OR4A15: variants seen among roughly 807,000 people sequenced by gnomAD.
OR4A15 encodes the protein olfactory receptor family 4 subfamily A member 15.
For missense variants in OR4A15, 657 were observed against 374.7 expected, an observed-to-expected ratio of 1.75 and a Z score of -6.22; for synonymous variants, 240 against 135.6, an observed-to-expected ratio of 1.77 and a Z score of -5.35.
At chr11:55,368,348 T>C (rs1853881983) in exon 1 of OR4A15, 1 of 1,613,184 alleles carries the variant, frequency 6.2e-7, no homozygotes, top group African/African-American at 1.3e-5. Flanking sequence ...TGGCCATCTG[T>C]AAGCCTCTTC....
Position 55,368,665 on chromosome 11 carries a change from A to G in OR4A15, c.692A>G (p.Lys231Arg), listed in dbSNP as rs147539576. The G allele has an allele frequency of 9.9e-6, 16 of 1,613,596 alleles. No homozygotes were observed. The African/African-American group carries it at 2.1e-4, about 22-fold the overall frequency. ...CTTAAGACTCAGAGTTTGGAAGGGA[A>G]ACGAAAAGCTTTCTACACCTGTGCA... The change falls in exon 1 of 1, where the codon AAA becomes AGA. Residue 231 changes from lysine (K) to arginine (R), a missense_variant. Coordinates refer to ENST00000641526, the Ensembl canonical transcript of OR4A15.
chr11:55,368,308 T>G (rs1464873848), exon 1 of OR4A15: 1 of 1,613,864 alleles, frequency 6.2e-7, no homozygotes, highest in Admixed American at 1.7e-5. Flanking sequence ...GAAGTCATTC[T>G]TCTGGTGGTA....
exon 1 of OR4A15, chr11:55,368,374 T>A: frequency 6.2e-7 from 1 of 1,613,622 alleles, no homozygotes; most frequent in South Asian, 1.1e-5. Flanking sequence ...TTGATCACCA[T>A]GAATCGTCGA....
chr11:55,368,608 T>C (rs780386508), exon 1 of OR4A15: 2 of 1,613,740 alleles, frequency 1.2e-6, no homozygotes, highest in Non-Finnish European at 1.7e-6. Context: ...TTCTTCACTA[T>C]CCTGCTTTCC....
exon 1 of OR4A15, chr11:55,368,266 A>T: frequency 6.2e-7 from 1 of 1,613,914 alleles, no homozygotes; most frequent in Non-Finnish European, 8.5e-7. Context: ...TGTATGGCTC[A>T]ACTTTTTATG....
At chr11:55,368,501 G>A (rs533299103) in exon 1 of OR4A15, 11 of 1,611,938 alleles carry the variant, frequency 6.8e-6, no homozygotes, top group Non-Finnish European at 8.5e-6. Flanking sequence ...ACAACTTCCT[G>A]TGTGATTTGT....
At chr11:55,368,864 G>A (rs1303530512) in exon 1 of OR4A15, 1 of 1,610,760 alleles carries the variant, frequency 6.2e-7, no homozygotes, top group Non-Finnish European at 8.5e-7. Context: ...GTGCCATGAG[G>A]AAACTTTGGA....
At chr11:55,368,556 C>A (rs753902951) in exon 1 of OR4A15, 3 of 1,613,386 alleles carry the variant, frequency 1.9e-6, no homozygotes, top group East Asian at 2.2e-5. Flanking sequence ...TGTCACTGGG[C>A]TTTCTATGAT....
chr11:55,368,786 A>C, exon 1 of OR4A15: 1 of 1,613,636 alleles, frequency 6.2e-7, no homozygotes, highest in East Asian at 2.2e-5. Context: ...CCATGACTGT[A>C]GTTCTAACTT....
exon 1 of OR4A15, chr11:55,368,748 C>G (rs753622247): frequency 6.2e-7 from 1 of 1,613,596 alleles, no homozygotes; most frequent in Non-Finnish European, 8.5e-7. Context: ...GTATGCAAGG[C>G]CCAATTCTAC....
At chr11:55,368,417 T>C in exon 1 of OR4A15, 3 of 1,613,548 alleles carry the variant, frequency 1.9e-6, no homozygotes, top group East Asian at 2.2e-5. Context: ...CGGCCTGGAT[T>C]GGAGGCTTTC....
chr11:55,368,700 A>T, exon 1 of OR4A15: 1 of 1,613,686 alleles, frequency 6.2e-7, no homozygotes, highest in South Asian at 1.1e-5. Flanking sequence ...ATCCCACGTC[A>T]CTGTGGTCAT....
exon 1 of OR4A15, chr11:55,368,041 A>G (rs780210330): frequency 5.6e-6 from 9 of 1,613,468 alleles, no homozygotes; most frequent in Non-Finnish European, 7.6e-6. Flanking sequence ...GAGGGGCAAA[A>G]GGTTTTATTT....
In OR4A15 at chr11:55,368,382, C is replaced by T. The variant is rs539516996; in HGVS notation, c.409C>T (p.Arg137Ter). 8.1e-6 allele frequency: 13 copies of T among 1,613,440 alleles called. No homozygotes were observed. In the East Asian group the frequency reaches 2.0e-4, roughly 25 times the overall value. ...TCATGAATTGATCACCATGAATCGT[C>T]GAGTCTGTGTTCTTATGCTGTTGGC... The change falls in exon 1 of 1, where the codon CGA (arginine) becomes TGA (stop). Residue 137 changes from arginine to a stop codon, truncating the protein, a stop_gained. Coordinates refer to ENST00000641526, the Ensembl canonical transcript of OR4A15. LOFTEE classifies it low-confidence loss of function (END_TRUNC).
chr11:55,368,832 C>G (rs746397407), exon 1 of OR4A15: 1 of 1,613,240 alleles, frequency 6.2e-7, no homozygotes, highest in Non-Finnish European at 8.5e-7. Flanking sequence ...AATCTATACC[C>G]TGAAGAATGC....
chr11:55,368,771 T>C, exon 1 of OR4A15: 2 of 1,613,742 alleles, frequency 1.2e-6, no homozygotes, highest in South Asian at 2.2e-5. Flanking sequence ...TTCCCATTGA[T>C]AAATCCATGA....
chr11:55,368,604 A>T (rs571865652), exon 1 of OR4A15: 2 of 1,613,678 alleles, frequency 1.2e-6, no homozygotes, highest in South Asian at 2.2e-5. Flanking sequence ...CACCTTCTTC[A>T]CTATCCTGCT....
At chr11:55,368,573 T>G (rs746857549) in exon 1 of OR4A15, 7 of 1,613,534 alleles carry the variant, frequency 4.3e-6, no homozygotes, top group Non-Finnish European at 5.9e-6. Context: ...TGATAGCTAA[T>G]GGAGGAGCGA....
rs557771043 is a variant in OR4A15, at chr11:55,368,147, C to A, written c.174C>A (p.Tyr58Ter). The A allele has an allele frequency of 1.5e-5, 24 of 1,612,674 alleles. No homozygotes were observed. In the South Asian group the frequency reaches 2.5e-4, roughly 17 times the overall value. ...GCCAGTCCCTGGGTTCCCCCATGTA[C>A]TTTTTTCTGGCTTCTTTATCATTCA... The change falls in exon 1 of 1, where the codon TAC becomes TAA. Residue 58 changes from tyrosine (Y) to a stop codon, truncating the protein, a stop_gained. Coordinates refer to ENST00000641526, the Ensembl canonical transcript of OR4A15. LOFTEE classifies it low-confidence loss of function (END_TRUNC).
Sources: allele counts gnomAD v4.1 joint callset, GRCh38; gene constraint gnomAD v4.1.1; transcripts MANE v1.5; gene names NCBI Gene and HGNC (gene_info 2026-07-23, HGNC 2026-07-21).